Variants in ADD3 observed in about 807,000 individuals in gnomAD.
ADD3 encodes adducin 3.
In ADD3, 25 loss-of-function variants were observed where a neutral mutation model predicts 80.2. That is an observed-to-expected ratio of 0.31 (90% CI 0.23 to 0.44). The LOEUF is 0.44. ADD3 is among the 20% of genes least tolerant of loss of function. ADD3 has a pLI of 1.00. For missense variants in ADD3, 829 were observed against 847.5 expected, an observed-to-expected ratio of 0.98 and a Z score of 0.27; for synonymous variants, 284 against 289.6, an observed-to-expected ratio of 0.98 and a Z score of 0.20.
intron 1 of ADD3, among the ~76,000 whole-genome samples, chr10:110,021,752 T>A (rs74812127): frequency 0.011 from 1,612 of 152,144 alleles, 31 homozygotes; most frequent in African/African-American, 0.038. Context: ...GGTTTCCTTT[T>A]GAAAAGGAAA....
rs372136124 is a variant in ADD3, at chr10:110,077,766, A to AT, written c.-29-22849dup. Reference sequence around the variant, plus strand: ...TGTTCATTGAGGTCCATGTTCAGCAATTTTTTTTTTCGCAACTGGGGGTCT... The same window carrying AT: ...TGTTCATTGAGGTCCATGTTCAGCAATTTTTTTTTTTCGCAACTGGGGGTCT... On this transcript the variant is annotated intron_variant, in intron 1 of 14. Coordinates refer to ENST00000356080, the MANE Select transcript of ADD3 (RefSeq NM_016824.5). Among the ~76,000 whole-genome samples the AT allele has an allele frequency of 4.3e-3, 447 of 103,932 alleles. 4 individuals carry two copies. Among genetic ancestry groups the AT allele is most frequent in the African/African-American group, 0.027 (398 of 14,748 alleles). 68.2% of individuals were successfully genotyped at this position (103,932 alleles called of 152,430 possible).
intron 1 of ADD3, among the ~76,000 whole-genome samples, chr10:110,068,044 T>C (rs756030843): frequency 6.6e-6 from 1 of 152,190 alleles, no homozygotes; most frequent in Non-Finnish European, 1.5e-5. Context: ...AAAACCAAAA[T>C]TGTTCACTTG....
intron 1 of ADD3, among the ~76,000 whole-genome samples, chr10:110,012,014 G>A (rs967872956): frequency 1.3e-5 from 2 of 152,152 alleles, no homozygotes; most frequent in African/African-American, 4.8e-5. Context: ...TTGCTTGAAC[G>A]AAAAAGTGTG....
chr10:110,063,757 AT>A (rs1471374282), intron 1 of ADD3, among the ~76,000 whole-genome samples: 3 of 66,750 alleles, frequency 4.5e-5, no homozygotes, highest in African/African-American at 1.2e-4. Context: ...ATATATATAT[AT>A]ATATATATAT....
chr10:110,128,197 T>C (rs969882415), intron 12 of ADD3, among the ~76,000 whole-genome samples: 1 of 151,784 alleles, frequency 6.6e-6, no homozygotes, highest in Admixed American at 6.6e-5. Flanking sequence ...CCTTCAGTTC[T>C]GGAAGTTTTT....
At chr10:110,047,333 CTTATAG>C (rs987560306) in intron 1 of ADD3, among the ~76,000 whole-genome samples, 1 of 152,202 alleles carries the variant, frequency 6.6e-6, no homozygotes, top group Non-Finnish European at 1.5e-5. Flanking sequence ...ACATAATGTA[CTTATAG>C]TTGGAGACTT....
At position 110,096,386 on chromosome 10, in the gene ADD3, A is replaced by T. The variant is rs556892841; in HGVS notation, c.-29-4239A>T. Among the ~76,000 whole-genome samples the T allele has an allele frequency of 3.7e-3, 559 of 152,282 alleles. 2 individuals carry two copies. The highest frequency in any genetic ancestry group is 6.5e-3 in the Non-Finnish European group (439 of 68,012). Reference sequence around the variant, plus strand: ...TCCCCACTGCCTAGGCCCCAGAGCTAATGCCAGGTTTTCAGTTTTTGTTAT... The same window carrying T: ...TCCCCACTGCCTAGGCCCCAGAGCTTATGCCAGGTTTTCAGTTTTTGTTAT... On this transcript the variant is annotated intron_variant, in intron 1 of 14. Transcript: ENST00000356080.
chr10:110,039,800 G>A (rs140456590), intron 1 of ADD3, among the ~76,000 whole-genome samples: 5 of 152,188 alleles, frequency 3.3e-5, no homozygotes, highest in African/African-American at 1.2e-4. Context: ...TAGAGAAGCT[G>A]CCTCTAACTT....
At chr10:110,119,142 C>A in intron 6 of ADD3, 69 bp from the exon 7 acceptor site, 1 of 1,555,288 alleles carries the variant, frequency 6.4e-7, no homozygotes, top group Non-Finnish European at 8.8e-7. Flanking sequence ...GCTGACCAAA[C>A]AATCAGGTTC....
chr10:110,009,704 A>G (rs924116268), intron 1 of ADD3, among the ~76,000 whole-genome samples: 27 of 152,238 alleles, frequency 1.8e-4, no homozygotes, highest in African/African-American at 6.5e-4. Flanking sequence ...AAAGGCAGCT[A>G]CATTTAACTC....
chr10:110,065,043 C>T lies in ADD3; in HGVS notation c.-29-35582C>T, dbSNP rs564972747. On this transcript the variant is annotated intron_variant, in intron 1 of 14. Transcript: ENST00000356080. ...TAGGCGACAGAGCGAGACCCTGTTT[C>T]AGAAAAGAAAAAAAAAATTACAAAT... 2.6e-5 allele frequency among the ~76,000 whole-genome samples: 4 copies of T among 151,754 alleles called. No individual in the cohort carries two copies. The South Asian group carries it at 8.3e-4, about 31-fold the overall frequency.
chr10:110,054,529 C>T (rs1175509031), intron 1 of ADD3, among the ~76,000 whole-genome samples: 1 of 150,988 alleles, frequency 6.6e-6, no homozygotes, highest in Non-Finnish European at 1.5e-5. Context: ...GCAACCTCCA[C>T]CTCCCAGGTT....
chr10:110,114,510 T>C (rs1850446107), intron 3 of ADD3, among the ~76,000 whole-genome samples: 1 of 152,134 alleles, frequency 6.6e-6, no homozygotes, highest in Non-Finnish European at 1.5e-5. Context: ...CAGGGATCCA[T>C]GCATGAGTTA....
chr10:109,998,763 C>G (rs1851427731), intron 1 of ADD3, among the ~76,000 whole-genome samples: 1 of 152,142 alleles, frequency 6.6e-6, no homozygotes, highest in Non-Finnish European at 1.5e-5. Context: ...CTGCCGACTA[C>G]AGATCATTCA....
intron 1 of ADD3, among the ~76,000 whole-genome samples, chr10:110,094,777 A>G (rs1590092706): frequency 6.6e-6 from 1 of 152,226 alleles, no homozygotes; most frequent in Admixed American, 6.5e-5. Context: ...AGAACTTCAA[A>G]TAACTTTAAA....
intron 1 of ADD3, among the ~76,000 whole-genome samples, chr10:110,076,577 A>G (rs1845399249): frequency 1.3e-5 from 2 of 152,172 alleles, no homozygotes; most frequent in Non-Finnish European, 2.9e-5. Flanking sequence ...GAGGAGAGAA[A>G]GAGGTAATTT....
chr10:110,118,871 A>C (rs531853859), intron 6 of ADD3, 135 bp downstream of exon 6: 6 of 928,980 alleles, frequency 6.5e-6, no homozygotes, highest in African/African-American at 5.1e-5. Context: ...AGAAAGCAAA[A>C]GGCCTTTGGG....
At chr10:110,052,045 T>C (rs1016024460) in intron 1 of ADD3, among the ~76,000 whole-genome samples, 1 of 152,244 alleles carries the variant, frequency 6.6e-6, no homozygotes, top group African/African-American at 2.4e-5. Flanking sequence ...CCCAAGGTGC[T>C]GTCTCAGCTT....
intron 1 of ADD3, among the ~76,000 whole-genome samples, chr10:110,058,226 G>T (rs538033655): frequency 6.1e-4 from 93 of 151,762 alleles, no homozygotes; most frequent in Non-Finnish European, 1.1e-3. Context: ...GCAGCACTCT[G>T]TCTCTCCTTT....
Sources: allele counts gnomAD v4.1 joint callset (sites outside exome capture counted in the v4.1 genomes callset), GRCh38; gene constraint gnomAD v4.1.1; transcripts MANE v1.5; gene names NCBI Gene and HGNC (gene_info 2026-07-23, HGNC 2026-07-21).